Variants in TRPM4 observed in about 807,000 individuals in gnomAD.
TRPM4 encodes the protein calcium-activated non-selective cation channel 1.
In TRPM4, 124 loss-of-function variants were observed where a neutral mutation model predicts 135.6. The ratio of observed to expected loss-of-function variants is 0.91; its 90% CI spans 0.79 to 1.06. The LOEUF (loss-of-function observed/expected upper bound fraction) is 1.06, where lower values mean the gene tolerates loss of function less well. Among genes scored for constraint, TRPM4 ranks in the 50% least tolerant of loss-of-function variants. TRPM4 has a pLI of 0.00. For missense variants in TRPM4, 1,658 were observed against 1,671.4 expected, an observed-to-expected ratio of 0.99 and a Z score of 0.14; for synonymous variants, 745 against 705.6, an observed-to-expected ratio of 1.06 and a Z score of -0.88.
chr19:49,188,043 C>T (rs1170782851), intron 12 of TRPM4, among the ~76,000 whole-genome samples: 5 of 152,176 alleles, frequency 3.3e-5, no homozygotes, highest in Admixed American at 2.6e-4. Flanking sequence ...TGCGTGACCC[C>T]TAAACTTAAT....
intron 20 of TRPM4, among the ~76,000 whole-genome samples, chr19:49,207,757 G>A (rs868547674): frequency 5.3e-5 from 8 of 151,638 alleles, no homozygotes; most frequent in South Asian, 2.1e-4. Context: ...TGGCTAACAC[G>A]GTTGTAGGGG....
At chr19:49,167,466 G>C (rs111169065) in intron 3 of TRPM4, among the ~76,000 whole-genome samples, 594 of 25,666 alleles carry the variant, frequency 0.023, 3 homozygotes, top group Middle Eastern at 0.05. Flanking sequence ...GGTCTCTGTC[G>C]CCATCTCTCT....
At chr19:49,180,198 A>G (rs1176617325) in intron 9 of TRPM4, among the ~76,000 whole-genome samples, 5 of 152,184 alleles carry the variant, frequency 3.3e-5, no homozygotes, top group Non-Finnish European at 7.3e-5. Flanking sequence ...CCATGTCACG[A>G]CAAATGCCCT....
At chr19:49,190,987 A>G (rs186278997) in intron 16 of TRPM4, among the ~76,000 whole-genome samples, 3 of 152,268 alleles carry the variant, frequency 2.0e-5, no homozygotes, top group East Asian at 1.9e-4. Flanking sequence ...GTGAGCCCTC[A>G]GGAAGCTTCC....
chr19:49,182,563 A>C lies in TRPM4; in HGVS notation c.1264-15A>C, dbSNP rs1277069491. On this transcript the variant is annotated splice_polypyrimidine_tract_variant and intron_variant, in intron 10 of 24. Coordinates refer to ENST00000252826, the MANE Select transcript of TRPM4 (RefSeq NM_017636.4). ...TTTGAGCTAATCTCTTCCCCTATTC[A>C]TCCCACCCTGCCAGTCCTTCCATCT... 35 of 1,609,420 alleles carry C rather than the reference A, an allele frequency of 2.2e-5. No individual in the cohort carries two copies. The Admixed American group carries it at 5.5e-4, about 25-fold the overall frequency.
intron 9 of TRPM4, among the ~76,000 whole-genome samples, chr19:49,178,772 T>TTGTTTTG (rs11446692): frequency 0.2 from 30,549 of 149,802 alleles, 3,629 homozygotes; most frequent in South Asian, 0.31. Context: ...TTTTTTATTT[T>TTGTTTTG]TTTTGAGATG....
At chr19:49,178,152 G>A (rs1192877371) in intron 9 of TRPM4, among the ~76,000 whole-genome samples, 3 of 152,106 alleles carry the variant, frequency 2.0e-5, no homozygotes, top group Admixed American at 6.6e-5. Flanking sequence ...GCAGCATAGT[G>A]AGACCCCATG....
At position 49,190,293 on chromosome 19, in the gene TRPM4, T is replaced by G. The variant is rs1968361535; in HGVS notation, c.2105T>G (p.Leu702Arg). 6.2e-7 allele frequency: 1 copy of G among 1,612,596 alleles called. No homozygotes were observed. The highest frequency in any genetic ancestry group is 1.1e-5 in the South Asian group (1 of 90,976). The change falls in exon 15 of 25, where the codon CTC becomes CGC. Residue 702 changes from leucine to arginine, a missense_variant. Physicochemically the swap from Leu to Arg is moderately radical, Grantham distance 102 (BLOSUM62 -2). Transcript: ENST00000252826. ...GTTCTCGCCTTCTTTTGCCCTCCAC[T>G]CATCTACACCCGCCTCATCACCTTC... ...ALVLAFFCPP[L>R]IYTRLITFRK...
intron 2 of TRPM4, among the ~76,000 whole-genome samples, chr19:49,164,249 CTCTCTT>C (rs1967076135): frequency 6.7e-6 from 1 of 149,540 alleles, no homozygotes; most frequent in African/African-American, 2.5e-5. Context: ...TTCTTTCTTT[CTCTCTT>C]TCTCTTTCTT....
chr19:49,194,915 C>T (rs10404155), intron 16 of TRPM4, among the ~76,000 whole-genome samples: 3,200 of 151,048 alleles, frequency 0.021, 103 homozygotes, highest in African/African-American at 0.073. Flanking sequence ...GGTATAAACA[C>T]ACCTGGCTAA....
chr19:49,205,749 C>G (rs113427237), intron 20 of TRPM4, among the ~76,000 whole-genome samples: 1 of 151,168 alleles, frequency 6.6e-6, no homozygotes, highest in African/African-American at 2.4e-5. Flanking sequence ...TTGCCCAGGC[C>G]GATCTCAAAC....
At chr19:49,188,891 C>T in intron 13 of TRPM4, 55 bp from the exon 14 acceptor site, 2 of 1,613,458 alleles carry the variant, frequency 1.2e-6, no homozygotes, top group African/African-American at 2.7e-5. Flanking sequence ...TCTCCCTTCA[C>T]ACCCTCACCC....
chr19:49,184,941 T>A (rs12981730), intron 12 of TRPM4, among the ~76,000 whole-genome samples: 4 of 150,482 alleles, frequency 2.7e-5, no homozygotes, highest in South Asian at 2.1e-4. Flanking sequence ...CTTTTTTTTT[T>A]AATTTTTATT....
At chr19:49,166,608 G>A (rs1967193489) in intron 3 of TRPM4, among the ~76,000 whole-genome samples, 2 of 140,952 alleles carry the variant, frequency 1.4e-5, no homozygotes, top group South Asian at 4.8e-4. Context: ...CTCTCTCTGG[G>A]TCTCTGTCCC....
At chr19:49,173,311 C>T (rs573021379) in intron 9 of TRPM4, among the ~76,000 whole-genome samples, 4 of 151,194 alleles carry the variant, frequency 2.6e-5, no homozygotes, top group Admixed American at 2.6e-4. Flanking sequence ...TCCATCCGCT[C>T]ATTCCTCCAT....
intron 6 of TRPM4, among the ~76,000 whole-genome samples, chr19:49,169,272 G>A: frequency 6.7e-6 from 1 of 149,354 alleles, no homozygotes; most frequent in Non-Finnish European, 1.5e-5. Context: ...ACAGCTTGAT[G>A]CATTTTTTTC....
At chr19:49,194,763 C>T (rs1465988083) in intron 16 of TRPM4, among the ~76,000 whole-genome samples, 1 of 145,442 alleles carries the variant, frequency 6.9e-6, no homozygotes, top group African/African-American at 2.6e-5. Context: ...TCCCCCCAAC[C>T]CTTCCTTCCT....
Position 49,211,248 on chromosome 19 carries a change from C to G in TRPM4, c.3619C>G (p.Pro1207Ala). The change falls in exon 24 of 25, where the codon CCT becomes GCT. Residue 1207 changes from proline to alanine, a missense_variant. Pro to Ala is a conservative substitution (Grantham distance 27). Around this residue, in one of 3 missense-constraint regions of TRPM4, gnomAD observed 1,412 missense variants for 1,408.7 expected, o/e 1.00. Transcript: ENST00000252826. The surrounding 1 kb of genome is among the most constrained non-coding windows in gnomAD (Gnocchi z 4.8). ...ALLPPGGPPP[P>A]DLPGSKD ...GCTGCCCCCAGGTGGGCCGCCACCC[C>G]CTGACCTGCCTGGGTCCAAAGGTCA... The G allele has an allele frequency of 5.7e-6, 9 of 1,584,748 alleles. No individual in the cohort carries two copies. The highest frequency in any genetic ancestry group is 2.3e-5 in the East Asian group (1 of 43,578).
chr19:49,203,458 C>A (rs929498536), intron 20 of TRPM4, among the ~76,000 whole-genome samples: 1 of 152,200 alleles, frequency 6.6e-6, no homozygotes, highest in African/African-American at 2.4e-5. Flanking sequence ...GGATTACTGA[C>A]ATGAGCCACC....
Sources: gnomAD v4.1 joint callset for allele counts (sites outside exome capture counted in the v4.1 genomes callset) on GRCh38, gnomAD v4.1.1 for gene constraint, gnomAD v4.1.1 regional missense constraint, Gnocchi (gnomAD v3.1) non-coding constraint, MANE v1.5 for transcripts, NCBI Gene and HGNC (gene_info 2026-07-23, HGNC 2026-07-21) for gene names.